The following PASD1 variants were observed in gnomAD, a reference collection of about 807,000 sequenced individuals.
PASD1 encodes the protein circadian clock protein PASD1.
PASD1 carries 13 observed loss-of-function variants against 58.8 expected under a neutral mutation model. The observed-to-expected ratio is 0.22, with a 90% CI of 0.14 to 0.35. The LOEUF (loss-of-function observed/expected upper bound fraction) is 0.35, where lower values mean the gene tolerates loss of function less well. Among genes scored for constraint, PASD1 ranks in the 10% least tolerant of loss-of-function variants. PASD1 has a pLI of 1.00. For missense variants in PASD1, 734 were observed against 568.3 expected, an observed-to-expected ratio of 1.29 and a Z score of -2.96; for synonymous variants, 236 against 216.7, an observed-to-expected ratio of 1.09 and a Z score of -0.78.
At chrX:151,576,182 T>C (rs2013003622) in intron 1 of PASD1, among the ~76,000 whole-genome samples, 1 of 110,937 alleles carries the variant, frequency 9.0e-6, no homozygotes, top group Admixed American at 9.6e-5. Context: ...TTTTTAAATT[T>C]TTTTGTAGAG....
intron 1 of PASD1, among the ~76,000 whole-genome samples, chrX:151,592,328 C>A (rs2013261924): frequency 8.9e-6 from 1 of 112,033 alleles, no homozygotes; most frequent in Non-Finnish European, 1.9e-5. Context: ...TTATGTGATT[C>A]AATAAAGCCT....
intron 3 of PASD1, among the ~76,000 whole-genome samples, chrX:151,609,906 G>A (rs2013534493): frequency 9.1e-6 from 1 of 109,637 alleles, no homozygotes; most frequent in Non-Finnish European, 1.9e-5. Flanking sequence ...TTCTATAGCA[G>A]CTTTGTCATT....
intron 4 of PASD1, among the ~76,000 whole-genome samples, chrX:151,620,035 C>T (rs1449272950): frequency 2.7e-5 from 3 of 111,180 alleles, no homozygotes; most frequent in Admixed American, 9.5e-5. Context: ...GAAGGTTATG[C>T]GTTTTTAGAA....
intron 4 of PASD1, among the ~76,000 whole-genome samples, chrX:151,613,976 A>C (rs1404715600): frequency 5.5e-5 from 6 of 110,028 alleles, no homozygotes; most frequent in African/African-American, 1.7e-4. Flanking sequence ...ATAGTAGAAG[A>C]AGCGAGGGAG....
At chrX:151,653,194 A>G (rs1488418313) in intron 9 of PASD1, among the ~76,000 whole-genome samples, 2 of 89,328 alleles carry the variant, frequency 2.2e-5, no homozygotes, top group Non-Finnish European at 4.7e-5. Context: ...ATATATATAT[A>G]TATTTTTTTT....
At position 151,601,415 on chromosome X, in the gene PASD1, T is replaced by C. The variant is rs2013413916; in HGVS notation, c.-27-112T>C. ...AGCCTATCTTTAAAAGAAGTAGACA[T>C]TCCTTGAGGGAAAAGTGTTACACAA... On this transcript the variant is annotated intron_variant, in intron 1 of 15. Transcript: ENST00000370357. The C allele has an allele frequency of 1.4e-5, 7 of 516,857 alleles. No individual in the cohort carries two copies. In the South Asian group the frequency reaches 1.9e-4, roughly 14 times the overall value. The allele number at this position is 516,857 out of a possible 1,213,427, so 42.6% of individuals were successfully genotyped here.
In PASD1 at chrX:151,671,096, TGAA is replaced by T. The variant is rs746146482; in HGVS notation, c.1135_1137del (p.Lys379del). 109 of 1,210,077 alleles carry T rather than the reference TGAA, an allele frequency of 9.0e-5. No homozygotes were observed. Among genetic ancestry groups the T allele is most frequent in the East Asian group, 6.8e-4 (23 of 33,770 alleles). On this transcript the variant is annotated inframe_deletion, in exon 12 of 16. Coordinates refer to ENST00000370357, the MANE Select transcript of PASD1 (RefSeq NM_173493.3). ...ATCATTAGCCAGGAACTGGAACTGA[TGAA>T]GAAGTTGAAGGAGCAGCTAGAAGAG...
At chrX:151,617,929 A>G (rs1292603359) in intron 4 of PASD1, among the ~76,000 whole-genome samples, 3 of 112,270 alleles carry the variant, frequency 2.7e-5, no homozygotes, top group African/African-American at 9.7e-5. Context: ...AGTGACTGGC[A>G]TGGAGCAATT....
intron 1 of PASD1, among the ~76,000 whole-genome samples, chrX:151,590,623 C>T (rs780476827): frequency 9.0e-6 from 1 of 111,561 alleles, no homozygotes; most frequent in Non-Finnish European, 1.9e-5. Context: ...CTCTGTCGCC[C>T]AGGCTGGAGT....
At chrX:151,627,571 G>C (rs1180589896) in intron 8 of PASD1, among the ~76,000 whole-genome samples, 1 of 111,798 alleles carries the variant, frequency 8.9e-6, no homozygotes, top group African/African-American at 3.3e-5. Context: ...TCCATGGTGT[G>C]TATGTGCCAC....
intron 1 of PASD1, among the ~76,000 whole-genome samples, chrX:151,574,541 T>C (rs2124223069): frequency 8.9e-6 from 1 of 111,904 alleles, no homozygotes; most frequent in Admixed American, 9.4e-5. Context: ...TGGAAAAACT[T>C]GAAAAAAATG....
At chrX:151,671,261 G>A (rs891343578) in intron 12 of PASD1, 65 bp downstream of exon 12, 1 of 1,144,828 alleles carries the variant, frequency 8.7e-7, no homozygotes, top group East Asian at 3.0e-5. Context: ...AGGAAGAGGA[G>A]AGAGGGACCT....
rs1176467851 is a variant in PASD1, at chrX:151,671,162, A to T, written c.1196A>T (p.Gln399Leu). 8.3e-7 allele frequency: 1 copy of T among 1,211,820 alleles called. No individual in the cohort carries two copies. Among genetic ancestry groups the T allele is most frequent in the Non-Finnish European group, 1.1e-6 (1 of 895,494 alleles). The change falls in exon 12 of 16, where the codon CAG becomes CTG. Residue 399 changes from glutamine to leucine, a missense_variant. By Grantham distance (113) the Gln-to-Leu change is moderately radical. Transcript: ENST00000370357. ...WLLHDAIQNQ[Q>L]NALELMMDHL... ...CTGCATGATGCCATCCAAAACCAGC[A>T]GAATGCATTGGAATTGATGATGGAT... is the stretch of plus-strand genomic sequence containing the variant.
At chrX:151,635,371 C>A (rs2013917619) in intron 8 of PASD1, among the ~76,000 whole-genome samples, 2 of 111,793 alleles carry the variant, frequency 1.8e-5, no homozygotes, top group East Asian at 5.6e-4. Context: ...AACTAGGAAA[C>A]AAATACACAT....
At chrX:151,644,300 A>T (rs1713356802) in intron 8 of PASD1, among the ~76,000 whole-genome samples, 1 of 112,154 alleles carries the variant, frequency 8.9e-6, no homozygotes, top group Admixed American at 9.5e-5. Context: ...TGTACATTGT[A>T]TGCAGAGCCC....
intron 8 of PASD1, among the ~76,000 whole-genome samples, chrX:151,635,947 C>T (rs1403828422): frequency 3.6e-5 from 4 of 111,182 alleles, no homozygotes; most frequent in African/African-American, 6.5e-5. Context: ...TTAGCCATCC[C>T]GCAGTGTATA....
intron 1 of PASD1, among the ~76,000 whole-genome samples, chrX:151,576,885 T>A (rs2013015833): frequency 8.9e-6 from 1 of 112,616 alleles, no homozygotes; most frequent in African/African-American, 3.2e-5. Flanking sequence ...TGTAATTTGA[T>A]ACTTCTGTAA....
chrX:151,587,676 A>C (rs1013975525), intron 1 of PASD1, among the ~76,000 whole-genome samples: 3 of 111,776 alleles, frequency 2.7e-5, no homozygotes, highest in Non-Finnish European at 5.6e-5. Context: ...AGGTTAGAGA[A>C]AAGCACAGCC....
At chrX:151,637,221 G>A (rs768903813) in intron 8 of PASD1, among the ~76,000 whole-genome samples, 27 of 112,297 alleles carry the variant, frequency 2.4e-4, no homozygotes, top group Non-Finnish European at 4.1e-4. Context: ...TTTGGTAAAC[G>A]TGTTTTCATT....
Sources: allele counts gnomAD v4.1 joint callset (sites outside exome capture counted in the v4.1 genomes callset), GRCh38; gene constraint gnomAD v4.1.1; transcripts MANE v1.5; gene names NCBI Gene and HGNC (gene_info 2026-07-23, HGNC 2026-07-21).